The following TDRD12 variants were observed in gnomAD, a reference collection of about 807,000 sequenced individuals.
The protein encoded by TDRD12 is putative ATP-dependent RNA helicase TDRD12.
Under a neutral mutation model 133.5 loss-of-function variants are expected in TDRD12, and 158 were observed. That is an observed-to-expected ratio of 1.18 (90% confidence interval 1.04 to 1.35). TDRD12 has a LOEUF of 1.35. TDRD12 is among the 40% of genes most tolerant of loss of function. The probability of loss-of-function intolerance (pLI) is 0.00; values close to 1 mark genes in which losing one functional copy is unlikely to be tolerated. For synonymous variants in TDRD12, 460 were observed against 477.9 expected (o/e 0.96, Z 0.49); for missense variants, 1,443 against 1,321.3 (o/e 1.09, Z -1.43).
intron 16 of TDRD12, among the ~76,000 whole-genome samples, chr19:32,799,791 A>G (rs1013777067): frequency 7.3e-6 from 1 of 137,854 alleles, no homozygotes; most frequent in Admixed American, 7.7e-5. Context: ...CTGGAGTGCA[A>G]TGGCTTGATC....
At chr19:32,828,564 A>G (rs191067785) in exon 10 of TDRD12, 3 of 152,254 alleles carry the variant, frequency 2.0e-5, no homozygotes, top group East Asian at 3.9e-4. Context: ...CGGAATGGAA[A>G]AGAATTTGGA....
In TDRD12 at chr19:32,773,641, T is replaced by A. The variant is rs368538087; in HGVS notation, c.1040+109T>A. On this transcript the variant is annotated intron_variant, in intron 10 of 27. Coordinates refer to ENST00000444215, the Ensembl canonical transcript of TDRD12. The stretch of plus-strand genomic sequence containing the variant: ...TAAGCCCAGGAGGTCGAGGCTTCAG[T>A]GAGCTATGATCGTACCACTGTACTC... 62 of 844,390 alleles carry A rather than the reference T, an allele frequency of 7.3e-5. 1 individual carries two copies. The highest frequency in any genetic ancestry group is 6.1e-4 in the South Asian group (41 of 67,674). 52.3% of individuals were successfully genotyped at this position (844,390 alleles called of 1,614,324 possible).
intron 8 of TDRD12, among the ~76,000 whole-genome samples, chr19:32,763,171 T>G (rs1173798140): frequency 6.6e-6 from 1 of 152,192 alleles, no homozygotes; most frequent in African/African-American, 2.4e-5. Context: ...GTCTGCCATG[T>G]TTATTACTGT....
rs947069854 is a variant in TDRD12 at position 32,774,460 on chromosome 19, C to CT, written c.1040+940dup. 1.7e-3 allele frequency among the ~76,000 whole-genome samples: 253 copies of CT among 144,684 alleles called. 3 individuals are homozygous for CT. Among genetic ancestry groups the CT allele is most frequent in the Admixed American group, 7.1e-3 (102 of 14,420 alleles). 94.9% of individuals were successfully genotyped at this position (144,684 alleles called of 152,430 possible). A position where few individuals can be genotyped will look rare whatever the true frequency, so the allele number is the denominator to read the frequency against. ...GTCTGCTGTTGATGAACTCTTTCAG[C>CT]TTTTTTTTTTTTAAAAGTATTCATT... On this transcript the variant is annotated intron_variant, in intron 10 of 27. Coordinates refer to ENST00000444215, the Ensembl canonical transcript of TDRD12.
chr19:32,801,260 C>A (rs1971381215), intron 18 of TDRD12, among the ~76,000 whole-genome samples: 1 of 150,494 alleles, frequency 6.6e-6, no homozygotes, highest in Non-Finnish European at 1.5e-5. Flanking sequence ...TAAAAGATAT[C>A]ATATAGCCAA....
chr19:32,816,426 C>A (rs1449736103), intron 26 of TDRD12, among the ~76,000 whole-genome samples: 1 of 152,134 alleles, frequency 6.6e-6, no homozygotes, highest in Non-Finnish European at 1.5e-5. Context: ...TGCCTCCTCT[C>A]CATAGTGAGT....
At chr19:32,752,451 A>G (rs1251816007) in intron 6 of TDRD12, among the ~76,000 whole-genome samples, 2 of 152,194 alleles carry the variant, frequency 1.3e-5, no homozygotes, top group African/African-American at 4.8e-5. Flanking sequence ...AAGTGCTGGG[A>G]TTACAGGCGT....
Position 32,818,204 on chromosome 19 carries a change from G to T in TDRD12, c.3383+47G>T, listed in dbSNP as rs760642099. On this transcript the variant is annotated intron_variant, in intron 27 of 27. Coordinates refer to ENST00000444215, the Ensembl canonical transcript of TDRD12. ...CTTCCTCCCAGAATGCCAGGGACAG[G>T]GGGCCATGTGTGAGGGGGACAGTGC... The T allele has an allele frequency of 2.0e-4, 135 of 682,974 alleles. No individual in the cohort carries two copies. In the African/African-American group the frequency reaches 2.1e-3, roughly 10 times the overall value. 42.3% of individuals were successfully genotyped at this position (682,974 alleles called of 1,614,324 possible).
intron 24 of TDRD12, among the ~76,000 whole-genome samples, chr19:32,812,235 C>T (rs1375598428): frequency 6.6e-6 from 1 of 152,152 alleles, no homozygotes. Flanking sequence ...GGGGGGCCCG[C>T]GTCTCAGGCA....
intron 8 of TDRD12, among the ~76,000 whole-genome samples, chr19:32,772,003 C>T (rs539550095): frequency 2.0e-5 from 3 of 152,244 alleles, no homozygotes; most frequent in Admixed American, 2.0e-4. Context: ...AAACAACAGC[C>T]ATTTTATAAT....
At chr19:32,786,656 A>G (rs1970916056) in intron 11 of TDRD12, among the ~76,000 whole-genome samples, 1 of 151,880 alleles carries the variant, frequency 6.6e-6, no homozygotes, top group African/African-American at 2.4e-5. Flanking sequence ...TTGTCTTATC[A>G]CTTTATTTCA....
rs544074113 is a variant in TDRD12 at position 32,773,589 on chromosome 19, TG to T, written c.1040+61del. 1.7e-4 allele frequency: 254 copies of T among 1,466,264 alleles called. 1 individual carries two copies. The South Asian group carries it at 2.2e-3, about 13-fold the overall frequency. 90.8% of individuals were successfully genotyped at this position (1,466,264 alleles called of 1,614,324 possible). The stretch of plus-strand genomic sequence containing the variant: ...GGCGCCTGCCTGTAGTCCCAGCTAC[TG>T]GGGAGGCTGAGCTGGGGGGATCGCT... On this transcript the variant is annotated intron_variant, in intron 10 of 27. Transcript: ENST00000444215.
At chr19:32,764,103 CTTTTTTTTTTTT>C (rs5827820) in intron 8 of TDRD12, among the ~76,000 whole-genome samples, 1 of 72,298 alleles carries the variant, frequency 1.4e-5, no homozygotes, top group African/African-American at 5.7e-5. Flanking sequence ...TATTGTCCAT[CTTTTTTTTTTTT>C]TTTTTTTTTT....
intron 13 of TDRD12, among the ~76,000 whole-genome samples, chr19:32,793,307 TAAAA>T (rs1971124050): frequency 6.6e-6 from 1 of 152,018 alleles, no homozygotes; most frequent in Non-Finnish European, 1.5e-5. Context: ...TACAGAGTCT[TAAAA>T]AAACGTACTT....
chr19:32,778,321 G>C (rs942846801), intron 11 of TDRD12, among the ~76,000 whole-genome samples: 26 of 151,986 alleles, frequency 1.7e-4, no homozygotes, highest in African/African-American at 6.3e-4. Flanking sequence ...GATGGCTGTT[G>C]ATGCACCTAA....
At chr19:32,725,546 A>C (rs972065397) in intron 1 of TDRD12, among the ~76,000 whole-genome samples, 1 of 152,008 alleles carries the variant, frequency 6.6e-6, no homozygotes, top group Non-Finnish European at 1.5e-5. Context: ...CTTATTTCTG[A>C]GATCTCTATT....
intron 12 of TDRD12, 108 bp from the exon 13 acceptor site, chr19:32,790,856 A>G: frequency 6.9e-7 from 1 of 1,452,634 alleles, no homozygotes; most frequent in South Asian, 1.4e-5. Flanking sequence ...ATATATACCC[A>G]GGTGTTTACA....
At chr19:32,741,867 G>A (rs1358224397) in intron 3 of TDRD12, among the ~76,000 whole-genome samples, 2 of 152,152 alleles carry the variant, frequency 1.3e-5, no homozygotes, top group African/African-American at 2.4e-5. Flanking sequence ...GGGTAGCATA[G>A]TGAGACCTGG....
chr19:32,810,213 A>G (rs759084821), exon 23 of TDRD12: 2 of 1,535,884 alleles, frequency 1.3e-6, no homozygotes, highest in South Asian at 2.4e-5. Context: ...TTCTAATAAA[A>G]CAACTGTGGA....
Sources: allele counts gnomAD v4.1 joint callset (sites outside exome capture counted in the v4.1 genomes callset), GRCh38; gene constraint gnomAD v4.1.1; transcripts MANE v1.5; gene names NCBI Gene and HGNC (gene_info 2026-07-23, HGNC 2026-07-21).